Variants in CHRM3 observed in about 807,000 individuals in gnomAD.
CHRM3 encodes cholinergic receptor muscarinic 3.
Under a neutral mutation model 41.8 loss-of-function variants are expected in CHRM3, and 11 were observed. The observed-to-expected ratio is 0.26, with a 90% confidence interval of 0.17 to 0.44. The LOEUF is 0.44. Among genes scored for constraint, CHRM3 ranks in the 20% least tolerant of loss-of-function variants. CHRM3 has a pLI of 1.00. For synonymous variants in CHRM3, 297 were observed against 301.4 expected (o/e 0.99, Z 0.15); for missense variants, 571 against 745.4 (o/e 0.77, Z 2.72).
intron 5 of CHRM3, among the ~76,000 whole-genome samples, chr1:239,750,002 T>C (rs763847139): frequency 5.3e-5 from 8 of 152,260 alleles, no homozygotes; most frequent in Non-Finnish European, 8.8e-5. Flanking sequence ...TAAGGAATAA[T>C]TATTCAAAGA....
At chr1:239,395,383 G>T (rs940204951) in intron 1 of CHRM3, among the ~76,000 whole-genome samples, 1 of 152,046 alleles carries the variant, frequency 6.6e-6, no homozygotes. Flanking sequence ...CCCTCCTGGG[G>T]TTCCTATTTC....
intron 3 of CHRM3, among the ~76,000 whole-genome samples, chr1:239,577,713 A>T (rs1662505390): frequency 6.6e-6 from 1 of 152,220 alleles, no homozygotes; most frequent in Non-Finnish European, 1.5e-5. Flanking sequence ...GTCACATTTG[A>T]ATATGACATC....
chr1:239,656,804 T>C (rs1276379493), intron 4 of CHRM3, among the ~76,000 whole-genome samples: 1 of 152,170 alleles, frequency 6.6e-6, no homozygotes, highest in Non-Finnish European at 1.5e-5. Flanking sequence ...AGTGTAATCA[T>C]ACTTTGTTTT....
At chr1:239,432,627 A>G (rs1662916979) in intron 1 of CHRM3, among the ~76,000 whole-genome samples, 1 of 152,214 alleles carries the variant, frequency 6.6e-6, no homozygotes. Context: ...TAGCTTTGAC[A>G]TTCATTATAT....
chr1:239,870,850 C>T (rs1676513538), intron 6 of CHRM3, among the ~76,000 whole-genome samples: 1 of 152,102 alleles, frequency 6.6e-6, no homozygotes, highest in Admixed American at 6.6e-5. Context: ...CTCTTTTTGA[C>T]TCAAATGACA....
At chr1:239,439,227 G>A (rs554345415) in intron 1 of CHRM3, among the ~76,000 whole-genome samples, 3 of 152,292 alleles carry the variant, frequency 2.0e-5, no homozygotes, top group Admixed American at 6.5e-5. Context: ...GTTTGTATCC[G>A]ATTAGAACCC....
chr1:239,572,759 A>G (rs1186166517), intron 3 of CHRM3, among the ~76,000 whole-genome samples: 2 of 152,166 alleles, frequency 1.3e-5, no homozygotes, highest in Admixed American at 6.5e-5. Context: ...AATGGATGTG[A>G]TATGGGATGC....
At chr1:239,853,313 T>G (rs1674850546) in intron 6 of CHRM3, among the ~76,000 whole-genome samples, 1 of 151,982 alleles carries the variant, frequency 6.6e-6, no homozygotes, top group Non-Finnish European at 1.5e-5. Context: ...TGTCAAATTC[T>G]GTTGTAAATG....
At chr1:239,460,607 A>G (rs1472513869) in intron 1 of CHRM3, among the ~76,000 whole-genome samples, 1 of 152,194 alleles carries the variant, frequency 6.6e-6, no homozygotes, top group Non-Finnish European at 1.5e-5. Flanking sequence ...AAAAAAATCT[A>G]CACACCTTCT....
intron 6 of CHRM3, among the ~76,000 whole-genome samples, chr1:239,836,675 A>T (rs1399269760): frequency 6.6e-6 from 1 of 152,138 alleles, no homozygotes; most frequent in Non-Finnish European, 1.5e-5. Context: ...AAGTTTTGTC[A>T]CATATAAGAT....
chr1:239,611,416 CTTTTTT>C (rs75352638), intron 3 of CHRM3, among the ~76,000 whole-genome samples: 1 of 96,220 alleles, frequency 1.0e-5, no homozygotes, highest in Non-Finnish European at 1.9e-5. Context: ...TTGCAAGTGA[CTTTTTT>C]TTTTTTTTTT....
intron 4 of CHRM3, among the ~76,000 whole-genome samples, chr1:239,643,729 G>A (rs998573826): frequency 3.9e-5 from 6 of 152,176 alleles, no homozygotes; most frequent in Admixed American, 3.9e-4. Flanking sequence ...CCCAAGTGAG[G>A]CAATGCCTCA....
chr1:239,890,296 G>A (rs1678442573), intron 6 of CHRM3, among the ~76,000 whole-genome samples: 2 of 151,424 alleles, frequency 1.3e-5, no homozygotes, highest in South Asian at 2.1e-4. Context: ...GTGGTGAGCC[G>A]AAATCATGCC....
At chr1:239,639,614 G>C (rs553285793) in intron 4 of CHRM3, among the ~76,000 whole-genome samples, 63 of 151,502 alleles carry the variant, frequency 4.2e-4, no homozygotes, top group Admixed American at 7.9e-4. Context: ...CATTGATTTT[G>C]TATCCTGAGA....
intron 5 of CHRM3, among the ~76,000 whole-genome samples, chr1:239,775,640 G>A (rs762816434): frequency 3.9e-5 from 6 of 152,110 alleles, no homozygotes; most frequent in Non-Finnish European, 7.3e-5. Flanking sequence ...CATTTTAGGC[G>A]GCCTGGTGGA....
chr1:239,775,765 C>T (rs959788911), intron 5 of CHRM3, among the ~76,000 whole-genome samples: 5 of 152,034 alleles, frequency 3.3e-5, no homozygotes, highest in Admixed American at 2.0e-4. Context: ...AATCGAGAGG[C>T]GAAACAGACT....
chr1:239,415,729 G>C (rs1194479579), intron 1 of CHRM3, among the ~76,000 whole-genome samples: 2 of 152,148 alleles, frequency 1.3e-5, no homozygotes, highest in Non-Finnish European at 2.9e-5. Flanking sequence ...ATAAGAACTG[G>C]AGAGGAGAAA....
At chr1:239,749,037 A>G (rs1665593361) in intron 5 of CHRM3, among the ~76,000 whole-genome samples, 1 of 152,190 alleles carries the variant, frequency 6.6e-6, no homozygotes, top group African/African-American at 2.4e-5. Context: ...TACGGTCACC[A>G]GGACCACAGA....
chr1:239,852,914 G>A (rs942371228), intron 6 of CHRM3, among the ~76,000 whole-genome samples: 7 of 152,072 alleles, frequency 4.6e-5, no homozygotes, highest in East Asian at 3.9e-4. Context: ...TTTTGTTTAC[G>A]TCTTTGTTTT....
Sources: allele counts gnomAD v4.1 joint callset (sites outside exome capture counted in the v4.1 genomes callset), GRCh38; gene constraint gnomAD v4.1.1; transcripts MANE v1.5; gene names NCBI Gene and HGNC (gene_info 2026-07-23, HGNC 2026-07-21).